The following LVRN variants were observed in gnomAD, a reference collection of about 807,000 sequenced individuals.
LVRN encodes laeverin.
LVRN carries 99 observed loss-of-function variants against 111.4 expected under a neutral mutation model. The observed-to-expected ratio is 0.89, with a 90% CI of 0.76 to 1.05. The LOEUF (loss-of-function observed/expected upper bound fraction) is 1.05, where lower values mean the gene tolerates loss of function less well. LVRN is among the 50% of genes least tolerant of loss of function. The probability of loss-of-function intolerance (pLI) is 0.00; values close to 1 mark genes in which losing one functional copy is unlikely to be tolerated. For missense variants in LVRN, 1,414 were observed against 1,206.8 expected (o/e 1.17, Z -2.54); for synonymous variants, 488 against 449.5 (o/e 1.09, Z -1.08).
chr5:115,967,012 G>A (rs922463454), intron 1 of LVRN, among the ~76,000 whole-genome samples: 1 of 151,980 alleles, frequency 6.6e-6, no homozygotes, highest in Non-Finnish European at 1.5e-5. Flanking sequence ...TTGAATTCTG[G>A]AAGTTCTTTA....
At chr5:115,992,659 T>A (rs1429953222) in intron 5 of LVRN, among the ~76,000 whole-genome samples, 1 of 152,218 alleles carries the variant, frequency 6.6e-6, no homozygotes, top group Admixed American at 6.6e-5. Context: ...AGCAGATTGT[T>A]ATAAATTTCT....
chr5:115,981,086 C>T (rs181041020), intron 1 of LVRN, among the ~76,000 whole-genome samples: 5 of 152,318 alleles, frequency 3.3e-5, no homozygotes, highest in East Asian at 1.9e-4. Context: ...TTCCTCTTCA[C>T]GCCTGTTCTT....
At chr5:115,963,902 G>T (rs987554639) in intron 1 of LVRN, among the ~76,000 whole-genome samples, 2 of 152,144 alleles carry the variant, frequency 1.3e-5, no homozygotes, top group African/African-American at 4.8e-5. Context: ...TCTTCAGAAA[G>T]CACCTTTCCT....
At chr5:115,993,456 G>A (rs1580386860) in intron 5 of LVRN, among the ~76,000 whole-genome samples, 1 of 152,160 alleles carries the variant, frequency 6.6e-6, no homozygotes, top group East Asian at 1.9e-4. Context: ...GACAGTTTAA[G>A]AAATGCTATT....
chr5:116,010,240 A>G (rs746057122), intron 13 of LVRN, among the ~76,000 whole-genome samples: 1 of 152,208 alleles, frequency 6.6e-6, no homozygotes, highest in Non-Finnish European at 1.5e-5. Context: ...TATAGTGTAA[A>G]CATAACTTTT....
At chr5:116,013,487 T>C (rs1748532972) in intron 15 of LVRN, among the ~76,000 whole-genome samples, 1 of 152,150 alleles carries the variant, frequency 6.6e-6, no homozygotes, top group South Asian at 2.1e-4. Context: ...AGAGAAGCTC[T>C]AGGGAGTTAG....
chr5:115,982,887 C>A (rs11948783), intron 1 of LVRN, among the ~76,000 whole-genome samples: 2,852 of 152,160 alleles, frequency 0.019, 90 homozygotes, highest in African/African-American at 0.065. Context: ...GACATTCTTC[C>A]CCTGACTTTT....
At chr5:116,001,413 G>T (rs936272031) in intron 10 of LVRN, among the ~76,000 whole-genome samples, 174 bp downstream of exon 10, 1 of 152,130 alleles carries the variant, frequency 6.6e-6, no homozygotes, top group Non-Finnish European at 1.5e-5. Flanking sequence ...CCAGAGACCC[G>T]CAGTTAGGGA....
At chr5:115,996,858 G>A (rs1458338959) in intron 6 of LVRN, among the ~76,000 whole-genome samples, 2 of 152,118 alleles carry the variant, frequency 1.3e-5, no homozygotes, top group African/African-American at 4.8e-5. Flanking sequence ...GCTGAGGCAG[G>A]CAGATGAACA....
rs781664366 is a variant in LVRN at position 115,963,362 on chromosome 5, C to T, written c.695+50C>T. The T allele has an allele frequency of 9.6e-6, 14 of 1,453,746 alleles. No homozygotes were observed. The African/African-American group carries it at 1.8e-4, about 19-fold the overall frequency. 90.1% of individuals were successfully genotyped at this position (1,453,746 alleles called of 1,614,324 possible). On this transcript the variant is annotated intron_variant, in intron 1 of 19. Coordinates refer to ENST00000357872, the MANE Select transcript of LVRN (RefSeq NM_173800.5). Reference sequence around the variant, plus strand: ...CCTCTCGGCCCCCGCCCCTGCGTCCCGGTGCAGGCTGCGGGTCCAGCTGAC... The same window carrying T: ...CCTCTCGGCCCCCGCCCCTGCGTCCTGGTGCAGGCTGCGGGTCCAGCTGAC...
chr5:115,996,788 A>G (rs977945056), intron 6 of LVRN, among the ~76,000 whole-genome samples: 2 of 152,138 alleles, frequency 1.3e-5, no homozygotes, highest in African/African-American at 4.8e-5. Context: ...TGGTGAAGGG[A>G]AAAGGTACAT....
intron 6 of LVRN, among the ~76,000 whole-genome samples, chr5:115,998,160 G>A (rs1198880799): frequency 1.3e-5 from 2 of 152,148 alleles, no homozygotes; most frequent in Non-Finnish European, 2.9e-5. Context: ...CCATTGACCT[G>A]ATGGGTTATT....
chr5:116,025,843 A>G (rs1748852712), intron 19 of LVRN, 135 bp from the exon 20 acceptor site: 1 of 1,098,480 alleles, frequency 9.1e-7, no homozygotes, highest in Non-Finnish European at 1.3e-6. Context: ...CACACAACCT[A>G]GGAGTATACA....
chr5:115,983,336 C>A lies in LVRN; in HGVS notation c.745C>A (p.Pro249Thr). The change falls in exon 2 of 20, where the codon CCT becomes ACT. Residue 249 changes from proline to threonine, a missense_variant. Physicochemically the swap from Pro to Thr is conservative, Grantham distance 38. Transcript: ENST00000357872. ...ACCAACATTTGCCAGGTATGTTTTCCCTTGTTTTGATGAGCCAGCTCTGAA... is the reference window on the plus strand; with the variant it reads ...ACCAACATTTGCCAGGTATGTTTTCACTTGTTTTGATGAGCCAGCTCTGAA... The part of the protein sequence containing the change: ...LEPTFARYVF[P>T]CFDEPALKAT... The A allele has an allele frequency of 1.9e-6, 3 of 1,611,272 alleles. No homozygotes were observed. The highest frequency in any genetic ancestry group is 2.5e-6 in the Non-Finnish European group (3 of 1,179,126).
chr5:116,007,924 A>G (rs1246811444), intron 13 of LVRN, among the ~76,000 whole-genome samples: 1 of 152,198 alleles, frequency 6.6e-6, no homozygotes, highest in African/African-American at 2.4e-5. Context: ...TTGGGGTGCA[A>G]TGAATCATGC....
chr5:116,004,278 A>C (rs1340952797), intron 12 of LVRN, among the ~76,000 whole-genome samples: 1 of 152,260 alleles, frequency 6.6e-6, no homozygotes, highest in African/African-American at 2.4e-5. Context: ...AATGTTGGCC[A>C]GCTCTAATCA....
At chr5:116,006,060 CTA>C (rs2112614684) in intron 13 of LVRN, 93 bp downstream of exon 13, 2 of 1,007,270 alleles carry the variant, frequency 2.0e-6, no homozygotes, top group South Asian at 2.9e-5. Flanking sequence ...ATTATTTAGT[CTA>C]TACAGGCCAT....
Position 116,025,979 on chromosome 5 carries a change from T to C in LVRN, c.2834T>C (p.Leu945Pro), listed in dbSNP as rs1187961019. The change falls in exon 20 of 20, where the codon CTG becomes CCG. Residue 945 changes from leucine (L) to proline (P), a missense_variant and splice_region_variant. Leu to Pro is a moderately conservative substitution (Grantham distance 98, BLOSUM62 -3). Coordinates refer to ENST00000357872, the MANE Select transcript of LVRN (RefSeq NM_173800.5). ...TCATCTGTCTCTCTGTCCTTCCAGCTGCAGCAGTTTTTCAGTAACATGTTG... is the reference window on the plus strand; with the variant it reads ...TCATCTGTCTCTCTGTCCTTCCAGCCGCAGCAGTTTTTCAGTAACATGTTG... ...TVTTDLQIVE[L>P]QQFFSNMLEE... is the part of the protein sequence containing the mutation. The C allele has an allele frequency of 2.5e-6, 4 of 1,613,724 alleles. No homozygotes were observed. The South Asian group carries it at 4.4e-5, about 18-fold the overall frequency.
chr5:116,012,419 A>G lies in LVRN; in HGVS notation c.2293A>G (p.Thr765Ala), dbSNP rs1333217630. 3.2e-6 allele frequency: 5 copies of G among 1,546,646 alleles called. No individual in the cohort carries two copies. The highest frequency in any genetic ancestry group is 1.7e-4 in the Middle Eastern group (1 of 5,912). ...TAATTTAATATGGAATATTTATTCAACTATAATTCGTGAAAATGTGTTGGC... is the reference window on the plus strand; with the variant it reads ...TAATTTAATATGGAATATTTATTCAGCTATAATTCGTGAAAATGTGTTGGC... ...RLNLIWNIYS[T>A]IIRENVLALQ... The change falls in exon 15 of 20, where the codon ACT becomes GCT. Residue 765 changes from threonine to alanine, a missense_variant. Transcript: ENST00000357872.
Sources: allele counts gnomAD v4.1 joint callset (sites outside exome capture counted in the v4.1 genomes callset), GRCh38; gene constraint gnomAD v4.1.1; transcripts MANE v1.5; gene names NCBI Gene and HGNC (gene_info 2026-07-23, HGNC 2026-07-21).